The following PCAT7 variants were observed in gnomAD, a reference collection of about 807,000 sequenced individuals.
PCAT7 encodes prostate cancer associated transcript 7 (non-protein coding).
At chr9:94,569,675 C>T (rs1827244625) in intron 2 of PCAT7, 2 of 152,168 alleles carry the variant, frequency 1.3e-5, no homozygotes, top group East Asian at 1.9e-4. Flanking sequence ...ACCCTGTTAC[C>T]GATTATCAGA....
chr9:94,566,863 CTT>C (rs1827197162), intron 2 of PCAT7, among the ~76,000 whole-genome samples: 1 of 152,296 alleles, frequency 6.6e-6, no homozygotes, highest in African/African-American at 2.4e-5. Flanking sequence ...TTTCTAATCT[CTT>C]TTAATTTCAT....
chr9:94,569,506 G>T (rs1037082041), intron 2 of PCAT7: 2 of 152,274 alleles, frequency 1.3e-5, no homozygotes, highest in African/African-American at 4.8e-5. Context: ...ATCAGGGCGG[G>T]TGAAAACGCC....
chr9:94,559,188 C>G, intron 2 of PCAT7: 5 of 1,506,042 alleles, frequency 3.3e-6, no homozygotes, highest in Non-Finnish European at 4.6e-6. Context: ...ATGTCCCGAG[C>G]CATGCCCCTA....
At chr9:94,572,729 TAC>T (rs1286596182) in intron 2 of PCAT7, among the ~76,000 whole-genome samples, 2 of 152,064 alleles carry the variant, frequency 1.3e-5, no homozygotes, top group Non-Finnish European at 2.9e-5. Flanking sequence ...CACATGAGTT[TAC>T]ACACACACAT....
chr9:94,566,614 A>G (rs1250976059), intron 2 of PCAT7, among the ~76,000 whole-genome samples: 3 of 152,148 alleles, frequency 2.0e-5, no homozygotes, highest in Non-Finnish European at 4.4e-5. Context: ...TCACACCTCT[A>G]TATTTCTGTG....
At chr9:94,566,120 A>G (rs1282613446) in intron 2 of PCAT7, among the ~76,000 whole-genome samples, 1 of 152,238 alleles carries the variant, frequency 6.6e-6, no homozygotes, top group Non-Finnish European at 1.5e-5. Flanking sequence ...GAAAATCACT[A>G]TAATCCTGAT....
At chr9:94,562,171 C>T (rs1564179211) in intron 2 of PCAT7, among the ~76,000 whole-genome samples, 2 of 151,854 alleles carry the variant, frequency 1.3e-5, no homozygotes, top group South Asian at 2.1e-4. Flanking sequence ...ATTAGCCAGG[C>T]GTGGTGGCGG....
intron 2 of PCAT7, among the ~76,000 whole-genome samples, chr9:94,560,106 C>A (rs1587834434): frequency 6.6e-6 from 1 of 152,176 alleles, no homozygotes; most frequent in Admixed American, 6.5e-5. Context: ...GTCTAGGTGA[C>A]AGAGCAAGAG....
intron 1 of PCAT7, among the ~76,000 whole-genome samples, chr9:94,557,380 G>C (rs1367637146): frequency 6.6e-6 from 1 of 152,150 alleles, no homozygotes; most frequent in Non-Finnish European, 1.5e-5. Flanking sequence ...ACTTGTGTCT[G>C]CTTTAATATC....
chr9:94,569,481 A>T (rs1297523217), intron 2 of PCAT7: 1 of 152,258 alleles, frequency 6.6e-6, no homozygotes, highest in Admixed American at 6.5e-5. Context: ...ACCTGAACAG[A>T]GGCGCTCATT....
At chr9:94,564,757 C>G (rs745646996) in intron 2 of PCAT7, among the ~76,000 whole-genome samples, 56 of 152,076 alleles carry the variant, frequency 3.7e-4, no homozygotes, top group Non-Finnish European at 7.4e-4. Flanking sequence ...AGCAAACCCC[C>G]ATGACAGGAG....
At chr9:94,562,623 T>A (rs1458879329) in intron 2 of PCAT7, among the ~76,000 whole-genome samples, 1 of 152,228 alleles carries the variant, frequency 6.6e-6, no homozygotes, top group Non-Finnish European at 1.5e-5. Flanking sequence ...GTTGTTGGTG[T>A]GTCAGAGAAA....
intron 2 of PCAT7, chr9:94,567,482 G>C: frequency 6.4e-7 from 1 of 1,564,694 alleles, no homozygotes; most frequent in Non-Finnish European, 8.7e-7. Flanking sequence ...CCCCACATCA[G>C]AGCAGGAGAA....
intron 3 of PCAT7, among the ~76,000 whole-genome samples, chr9:94,573,519 TC>T (rs139826106): frequency 0.49 from 73,726 of 151,826 alleles, 18,505 homozygotes; most frequent in African/African-American, 0.6. Flanking sequence ...TCAGCAAGTT[TC>T]TTTTTTAAAT....
intron 2 of PCAT7, among the ~76,000 whole-genome samples, chr9:94,560,782 C>T (rs966742870): frequency 1.9e-4 from 27 of 145,642 alleles, no homozygotes; most frequent in African/African-American, 6.5e-4. Context: ...TATATTTTTT[C>T]TATTGTATAT....
chr9:94,563,590 G>A, intron 2 of PCAT7: 1 of 998,186 alleles, frequency 1.0e-6, no homozygotes, highest in South Asian at 1.6e-5. Context: ...CACTAGTGTA[G>A]GAATTGAAAA....
chr9:94,568,757 CAT>C (rs1186180486), intron 2 of PCAT7: 4 of 152,344 alleles, frequency 2.6e-5, no homozygotes, highest in African/African-American at 9.6e-5. Context: ...TCCTGCCTAA[CAT>C]GAGTGACAAC....
At chr9:94,556,341 T>C (rs1827012374) in intron 1 of PCAT7, among the ~76,000 whole-genome samples, 1 of 151,106 alleles carries the variant, frequency 6.6e-6, no homozygotes, top group African/African-American at 2.4e-5. Context: ...TTTGGGTAGA[T>C]GGATGGGGAA....
At chr9:94,558,832 G>T (rs1827048056) in intron 1 of PCAT7, 1 of 1,073,254 alleles carries the variant, frequency 9.3e-7, no homozygotes. Context: ...TGATTAAGTG[G>T]ATTTACCTTT....
Sources: allele counts gnomAD v4.1 joint callset (sites outside exome capture counted in the v4.1 genomes callset), GRCh38; gene constraint gnomAD v4.1.1; transcripts MANE v1.5; gene names NCBI Gene and HGNC (gene_info 2026-07-23, HGNC 2026-07-21).